MEGF11: variants seen among roughly 807,000 people sequenced by gnomAD.
The protein encoded by MEGF11 is multiple EGF like domains 11, also known as multiple epidermal growth factor-like domains protein 11.
In MEGF11, 126 loss-of-function variants were observed where a neutral mutation model predicts 146.6. The ratio of observed to expected loss-of-function variants is 0.86; its 90% CI spans 0.74 to 1.00. The LOEUF is 1.00. Among genes scored for constraint, MEGF11 ranks in the 50% least tolerant of loss-of-function variants. The pLI, the probability that MEGF11 is intolerant of heterozygous loss-of-function variation, is 0.00. For missense variants in MEGF11, 1,509 were observed against 1,521.2 expected (o/e 0.99, Z 0.13); for synonymous variants, 532 against 583.4 (o/e 0.91, Z 1.27).
At chr15:66,081,734 C>T (rs1042659966) in intron 5 of MEGF11, among the ~76,000 whole-genome samples, 1 of 152,178 alleles carries the variant, frequency 6.6e-6, no homozygotes, top group Non-Finnish European at 1.5e-5. Context: ...GGACCAGGGT[C>T]CCCCAGGGAA....
intron 1 of MEGF11, among the ~76,000 whole-genome samples, chr15:66,203,102 T>C (rs1046493226): frequency 2.6e-5 from 4 of 152,134 alleles, no homozygotes; most frequent in Non-Finnish European, 5.9e-5. Flanking sequence ...TCAGCCCCAG[T>C]ACTCACATAC....
At chr15:66,079,027 C>G (rs972981616) in intron 5 of MEGF11, among the ~76,000 whole-genome samples, 3 of 152,222 alleles carry the variant, frequency 2.0e-5, no homozygotes, top group African/African-American at 7.2e-5. Context: ...TGCCAGGGCC[C>G]TGCCTCACCC....
chr15:66,098,513 C>T (rs1343417885), intron 4 of MEGF11, among the ~76,000 whole-genome samples: 1 of 152,192 alleles, frequency 6.6e-6, no homozygotes, highest in Non-Finnish European at 1.5e-5. Flanking sequence ...TTCCACGCCC[C>T]CTGGCCAACT....
At chr15:66,076,849 G>A (rs1248311537) in intron 5 of MEGF11, among the ~76,000 whole-genome samples, 3 of 152,168 alleles carry the variant, frequency 2.0e-5, no homozygotes, top group Non-Finnish European at 2.9e-5. Context: ...CCCGCCATAT[G>A]TTCTTCAGTA....
intron 1 of MEGF11, among the ~76,000 whole-genome samples, chr15:66,141,855 C>T (rs2089182318): frequency 6.6e-6 from 1 of 152,136 alleles, no homozygotes; most frequent in African/African-American, 2.4e-5. Context: ...GCCGATTGTG[C>T]CTCAGCTGTG....
At chr15:66,249,695 C>A (rs770032123) in intron 1 of MEGF11, among the ~76,000 whole-genome samples, 2 of 152,152 alleles carry the variant, frequency 1.3e-5, no homozygotes, top group Non-Finnish European at 2.9e-5. Flanking sequence ...CTTGTTCTAC[C>A]ACATTGATTC....
In MEGF11 at chr15:65,914,071, G is replaced by A; in HGVS notation, c.2474-98C>T. 3 of 908,182 alleles carry A rather than the reference G, an allele frequency of 3.3e-6. No individual in the cohort carries two copies. In the South Asian group the frequency reaches 4.6e-5, roughly 14 times the overall value. 56.3% of individuals were successfully genotyped at this position (908,182 alleles called of 1,614,324 possible). On this transcript the variant is annotated intron_variant, in intron 19 of 25. Coordinates refer to ENST00000395614, the MANE Select transcript of MEGF11 (RefSeq NM_001385028.1). Reference sequence around the variant, plus strand: ...ATGCGTGTAACCCCTCTAATGTTAGGAGATCTGGTTCTGGCTTTGGCCCGA... The same window carrying A: ...ATGCGTGTAACCCCTCTAATGTTAGAAGATCTGGTTCTGGCTTTGGCCCGA...
chr15:66,053,581 A>G (rs1388326318), intron 5 of MEGF11, among the ~76,000 whole-genome samples: 1 of 151,960 alleles, frequency 6.6e-6, no homozygotes, highest in African/African-American at 2.4e-5. Flanking sequence ...GTGATGTTTT[A>G]GTTGCCACCC....
chr15:66,207,218 A>G (rs2091321030), intron 1 of MEGF11, among the ~76,000 whole-genome samples: 1 of 151,456 alleles, frequency 6.6e-6, no homozygotes. Context: ...AATTCCAAGT[A>G]GGATAATCAC....
Position 65,916,212 on chromosome 15 carries a change from G to A in MEGF11, c.2280C>T (p.Ser760=). The A allele has an allele frequency of 6.4e-7, 1 of 1,574,358 alleles. No individual in the cohort carries two copies. ...GRVCQCQNGA[S]CDHISGKCTC... ...TGCACTTGCCACTGATGTGGTCACA[G>A]CTGGCGCCATTCTGACACTGGCATA... Residue 760 remains serine (S), a synonymous_variant, in exon 18 of 26, where the codon AGC becomes AGT. Transcript: ENST00000395614.
chr15:66,080,405 C>T (rs2085798519), intron 5 of MEGF11, among the ~76,000 whole-genome samples: 1 of 151,946 alleles, frequency 6.6e-6, no homozygotes, highest in Admixed American at 6.5e-5. Context: ...CACTGCCCTC[C>T]CATGATGGCC....
chr15:66,235,067 C>G (rs2092059861), intron 1 of MEGF11, among the ~76,000 whole-genome samples: 1 of 152,234 alleles, frequency 6.6e-6, no homozygotes, highest in Non-Finnish European at 1.5e-5. Flanking sequence ...CCACGCTTTC[C>G]CTGAAAACCC....
chr15:66,063,233 T>C (rs1468741422), intron 5 of MEGF11, among the ~76,000 whole-genome samples: 1 of 152,320 alleles, frequency 6.6e-6, no homozygotes, highest in East Asian at 1.9e-4. Context: ...GCTTTAAATA[T>C]CATTTCTAAG....
At chr15:65,940,335 T>C (rs920269248) in intron 10 of MEGF11, among the ~76,000 whole-genome samples, 3 of 152,208 alleles carry the variant, frequency 2.0e-5, no homozygotes, top group Non-Finnish European at 2.9e-5. Flanking sequence ...AAGTGCCTGC[T>C]CCTTGTCAAG....
intron 1 of MEGF11, among the ~76,000 whole-genome samples, chr15:66,156,238 C>T (rs1400447999): frequency 2.0e-5 from 3 of 152,194 alleles, no homozygotes; most frequent in Non-Finnish European, 1.5e-5. Flanking sequence ...GCCCAGACAC[C>T]TGCACTGCTG....
At chr15:65,911,379 A>G (rs11636670) in intron 21 of MEGF11, among the ~76,000 whole-genome samples, 9,394 of 152,312 alleles carry the variant, frequency 0.062, 422 homozygotes, top group Non-Finnish European at 0.092. Flanking sequence ...TTGTGTTGGT[A>G]GCATACTGCA....
intron 5 of MEGF11, among the ~76,000 whole-genome samples, chr15:66,028,395 C>T (rs914846840): frequency 1.3e-5 from 2 of 152,172 alleles, no homozygotes; most frequent in Non-Finnish European, 2.9e-5. Flanking sequence ...ACATGCACTG[C>T]TGACAATGTT....
rs541385890 is a variant in MEGF11 at position 65,994,459 on chromosome 15, G to A, written c.395-11971C>T. 2.0e-5 allele frequency among the ~76,000 whole-genome samples: 3 copies of A among 152,332 alleles called. No individual in the cohort carries two copies. The East Asian group carries it at 5.8e-4, about 29-fold the overall frequency. ...GCCCACGGAGCATTTTGGAATGAAGGCCTGCCTCACCTGTTGCCCTATTCA... is the reference window on the plus strand; with the variant it reads ...GCCCACGGAGCATTTTGGAATGAAGACCTGCCTCACCTGTTGCCCTATTCA... On this transcript the variant is annotated intron_variant, in intron 5 of 25. Transcript: ENST00000395614.
At chr15:66,116,344 ACTCTT>A (rs935737119) in intron 4 of MEGF11, among the ~76,000 whole-genome samples, 3 of 147,842 alleles carry the variant, frequency 2.0e-5, no homozygotes, top group Admixed American at 1.4e-4. Flanking sequence ...TGTATTTCTA[ACTCTT>A]CTCTTCTATC....
Sources: allele counts gnomAD v4.1 joint callset (sites outside exome capture counted in the v4.1 genomes callset), GRCh38; gene constraint gnomAD v4.1.1; transcripts MANE v1.5; gene names NCBI Gene and HGNC (gene_info 2026-07-23, HGNC 2026-07-21).